Variants in FRMPD4 observed in about 807,000 individuals in gnomAD.
FRMPD4 encodes the protein FERM and PDZ domain-containing protein 4.
Under a neutral mutation model 94.1 loss-of-function variants are expected in FRMPD4, and 22 were observed. The ratio of observed to expected loss-of-function variants is 0.23; its 90% CI spans 0.17 to 0.33. The LOEUF (loss-of-function observed/expected upper bound fraction) is 0.33. Among genes scored for constraint, FRMPD4 ranks in the 10% least tolerant of loss-of-function variants. The pLI, the probability that FRMPD4 is intolerant of heterozygous loss-of-function variation, is 1.00. For missense variants in FRMPD4, 1,111 were observed against 1,339.9 expected, an observed-to-expected ratio of 0.83 and a Z score of 2.67; for synonymous variants, 631 against 548.6, an observed-to-expected ratio of 1.15 and a Z score of -2.10.
At chrX:12,525,745 C>T (rs1479528793) in intron 2 of FRMPD4, among the ~76,000 whole-genome samples, 1 of 112,033 alleles carries the variant, frequency 8.9e-6, no homozygotes, top group Non-Finnish European at 1.9e-5. Flanking sequence ...GACGTTCTTA[C>T]CAGCAATATG....
At chrX:12,582,862 G>T (rs2058882584) in intron 2 of FRMPD4, among the ~76,000 whole-genome samples, 2 of 111,998 alleles carry the variant, frequency 1.8e-5, no homozygotes, top group African/African-American at 3.2e-5. Context: ...GGGATTCTGG[G>T]AATACGGGCG....
At chrX:12,019,438 A>G (rs1302491307) in intron 3 of FRMPD4, among the ~76,000 whole-genome samples, 1 of 109,720 alleles carries the variant, frequency 9.1e-6, no homozygotes, top group Non-Finnish European at 1.9e-5. Context: ...AATCCTGTTT[A>G]CACTCTGTTG....
chrX:12,294,080 C>T (rs1383559167), intron 1 of FRMPD4, among the ~76,000 whole-genome samples: 1 of 111,193 alleles, frequency 9.0e-6, no homozygotes, highest in East Asian at 2.8e-4. Context: ...TTCTTCTTCC[C>T]TTCATGTCCT....
rs1177841685 is a variant in FRMPD4 at position 12,112,281 on chromosome X, G to A, written c.95+234263G>A. Reference sequence around the variant, plus strand: ...TGTCCTTTGTAGGGACATGGATGAAGCTGGAAACCATCATTCTCAGCAAAC... The same window carrying A: ...TGTCCTTTGTAGGGACATGGATGAAACTGGAAACCATCATTCTCAGCAAAC... On this transcript the variant is annotated intron_variant, in intron 3 of 18. Transcript: ENST00000640291. Among the ~76,000 whole-genome samples, 19 of 111,356 alleles carry A rather than the reference G, an allele frequency of 1.7e-4. No homozygotes were observed. The East Asian group carries it at 4.5e-3, about 26-fold the overall frequency.
intron 1 of FRMPD4, among the ~76,000 whole-genome samples, chrX:12,471,333 C>A (rs930295721): frequency 1.8e-5 from 2 of 111,937 alleles, no homozygotes; most frequent in African/African-American, 3.2e-5. Context: ...TTTTCAAGTG[C>A]TTATAAGTAA....
intron 3 of FRMPD4, among the ~76,000 whole-genome samples, chrX:12,014,705 C>T (rs2054596948): frequency 9.1e-6 from 1 of 110,410 alleles, no homozygotes; most frequent in Non-Finnish European, 1.9e-5. Context: ...GAGTGTGTGT[C>T]TGTGTGTGTG....
In FRMPD4 at chrX:12,183,514, T is replaced by G. The variant is rs1318468819; in HGVS notation, c.41+44502T>G. 1.3e-4 allele frequency among the ~76,000 whole-genome samples: 14 copies of G among 111,664 alleles called. No individual in the cohort carries two copies. The Admixed American group carries it at 1.3e-3, about 11-fold the overall frequency. On this transcript the variant is annotated intron_variant, in intron 1 of 16. Coordinates refer to ENST00000675598, the MANE Select transcript of FRMPD4 (RefSeq NM_001368397.1). ...AGAAGTTTTGAAGCTTTTGGAAAAA[T>G]AGCTATTTCAAGGAAGGAAGAATCT...
intron 2 of FRMPD4, among the ~76,000 whole-genome samples, chrX:12,500,306 T>C (rs1387031581): frequency 1.8e-5 from 2 of 110,987 alleles, no homozygotes; most frequent in Non-Finnish European, 3.8e-5. Context: ...AGGTGAGGGG[T>C]CATTTTTATA....
At chrX:12,026,769 T>C (rs1312161677) in intron 3 of FRMPD4, among the ~76,000 whole-genome samples, 3 of 112,691 alleles carry the variant, frequency 2.7e-5, no homozygotes, top group South Asian at 3.6e-4. Flanking sequence ...ATTATCAAGA[T>C]TGCATTATAC....
intron 6 of FRMPD4, among the ~76,000 whole-genome samples, chrX:12,685,517 T>A (rs1449184693): frequency 1.8e-5 from 2 of 111,951 alleles, no homozygotes; most frequent in Non-Finnish European, 3.8e-5. Context: ...TTTACTCTCT[T>A]AACACACTAA....
intron 14 of FRMPD4, among the ~76,000 whole-genome samples, chrX:12,711,932 T>G (rs144733836): frequency 2.1e-4 from 23 of 111,271 alleles, no homozygotes; most frequent in Non-Finnish European, 3.2e-4. Flanking sequence ...CACAGTTTAT[T>G]ATGATGGCCA....
intron 2 of FRMPD4, among the ~76,000 whole-genome samples, chrX:11,867,983 T>C (rs1401869870): frequency 8.9e-6 from 1 of 112,068 alleles, no homozygotes; most frequent in Non-Finnish European, 1.9e-5. Flanking sequence ...CCCATTTCTC[T>C]CTTTCCGCAG....
At chrX:12,142,216 G>T (rs1006362573) in intron 1 of FRMPD4, among the ~76,000 whole-genome samples, 12 of 111,352 alleles carry the variant, frequency 1.1e-4, no homozygotes, top group Admixed American at 7.6e-4. Flanking sequence ...AGTTGCATGG[G>T]TTATTTTGTG....
chrX:12,053,452 A>C (rs769833515), intron 3 of FRMPD4, among the ~76,000 whole-genome samples: 11 of 107,115 alleles, frequency 1.0e-4, no homozygotes, highest in Non-Finnish European at 2.1e-4. Flanking sequence ...AGAGAAGAGA[A>C]GAGAGGAAAG....
upstream of FRMPD4, among the ~76,000 whole-genome samples, chrX:12,133,605 G>A (rs747097311): frequency 1.8e-5 from 2 of 111,193 alleles, no homozygotes; most frequent in Admixed American, 9.5e-5. Context: ...AGGGTATTTC[G>A]TAAATAATAC....
At chrX:11,875,183 AATAAT>A (rs1024902867) in intron 2 of FRMPD4, among the ~76,000 whole-genome samples, 1 of 112,825 alleles carries the variant, frequency 8.9e-6, no homozygotes, top group African/African-American at 3.2e-5. Flanking sequence ...AACTAGGAAG[AATAAT>A]ATAATTTTAT....
rs149403459 is a variant in FRMPD4 at position 12,262,543 on chromosome X, C to G, written c.41+123531C>G. 4.4e-3 allele frequency among the ~76,000 whole-genome samples: 496 copies of G among 112,395 alleles called. 5 individuals carry two copies. Among genetic ancestry groups the G allele is most frequent in the African/African-American group, 0.015 (470 of 30,962 alleles). ...CTGTAAATAGGAATGAAGGTCAAAT[C>G]TAACTCACAGGGTTGTTTTGAAGCT... On this transcript the variant is annotated intron_variant, in intron 1 of 16. Coordinates refer to ENST00000675598, the MANE Select transcript of FRMPD4 (RefSeq NM_001368397.1).
chrX:11,875,869 ATTTTTTTTT>A (rs869076863), intron 2 of FRMPD4, among the ~76,000 whole-genome samples: 1 of 57,264 alleles, frequency 1.7e-5, no homozygotes, highest in Non-Finnish European at 3.0e-5. Context: ...CCACTTGAGG[ATTTTTTTTT>A]TTTTTTTTTT....
intron 4 of FRMPD4, among the ~76,000 whole-genome samples, chrX:12,646,805 T>C (rs2059552224): frequency 3.6e-5 from 4 of 112,629 alleles, no homozygotes; most frequent in African/African-American, 1.3e-4. Context: ...TCTTCCCTTC[T>C]ATGTATACGA....
Sources: gnomAD v4.1 joint callset for allele counts (sites outside exome capture counted in the v4.1 genomes callset) on GRCh38, gnomAD v4.1.1 for gene constraint, MANE v1.5 for transcripts, NCBI Gene and HGNC (gene_info 2026-07-23, HGNC 2026-07-21) for gene names.